SNCAIP: variants seen among roughly 807,000 people sequenced by gnomAD.
SNCAIP encodes the protein synuclein alpha interacting protein.
In SNCAIP, 43 loss-of-function variants were observed where a neutral mutation model predicts 86.7. The observed-to-expected ratio is 0.50, with a 90% CI of 0.39 to 0.64. The LOEUF (loss-of-function observed/expected upper bound fraction) is 0.64, where lower values mean the gene tolerates loss of function less well. Ranked by LOEUF, SNCAIP falls within the 30% of genes least tolerant of loss-of-function variation. The probability of loss-of-function intolerance (pLI) is 0.00; values close to 1 mark genes in which losing one functional copy is unlikely to be tolerated. For missense variants in SNCAIP, 981 were observed against 1,103.1 expected (o/e 0.89, Z 1.57); for synonymous variants, 417 against 427.2 (o/e 0.98, Z 0.29).
chr5:122,400,915 A>G, intron 2 of SNCAIP: 1 of 1,410,620 alleles, frequency 7.1e-7, no homozygotes. Context: ...GAAAAAGAAT[A>G]AATTATAGAG....
chr5:122,437,102 G>A (rs1446301227), intron 6 of SNCAIP: 1 of 152,172 alleles, frequency 6.6e-6, no homozygotes, highest in African/African-American at 2.4e-5. Context: ...AAGGTCTGAA[G>A]TTACATCCAT....
chr5:122,358,563 C>T (rs1357890325), intron 1 of SNCAIP, among the ~76,000 whole-genome samples: 3 of 151,912 alleles, frequency 2.0e-5, no homozygotes, highest in Non-Finnish European at 2.9e-5. Flanking sequence ...CATGATAAGC[C>T]CTTTTCCTTC....
chr5:122,429,690 G>A (rs1453592788), intron 5 of SNCAIP, among the ~76,000 whole-genome samples: 3 of 152,090 alleles, frequency 2.0e-5, no homozygotes, highest in East Asian at 1.9e-4. Context: ...CTCCAATTGC[G>A]AAATTTAAGG....
At position 122,451,138 on chromosome 5, in the gene SNCAIP, C is replaced by T. The variant is rs201185316; in HGVS notation, c.2291C>T (p.Pro764Leu). 474 of 1,614,150 alleles carry T rather than the reference C, an allele frequency of 2.9e-4. 1 individual carries two copies. Among genetic ancestry groups the T allele is most frequent in the Admixed American group, 8.2e-4 (49 of 60,018 alleles). ...GAACCAGACTTAGAATCCCAGTATCCAGGCTCAGGGAGTATTCCTCCAAAC... is the reference window on the plus strand; with the variant it reads ...GAACCAGACTTAGAATCCCAGTATCTAGGCTCAGGGAGTATTCCTCCAAAC... ...SSEPDLESQY[P>L]GSGSIPPNQP... The change falls in exon 10 of 11, where the codon CCA (proline) becomes CTA (leucine). Residue 764 changes from proline to leucine, a missense_variant. Transcript: ENST00000261368.
At chr5:122,328,573 G>C (rs1754604747) in intron 1 of SNCAIP, among the ~76,000 whole-genome samples, 1 of 151,990 alleles carries the variant, frequency 6.6e-6, no homozygotes, top group Non-Finnish European at 1.5e-5. Context: ...CCCATTTCTT[G>C]TAGTATCTTT....
chr5:122,317,927 T>C (rs1278719172), intron 1 of SNCAIP, among the ~76,000 whole-genome samples: 2 of 152,050 alleles, frequency 1.3e-5, no homozygotes, highest in Admixed American at 6.5e-5. Context: ...CCTCTACAAA[T>C]GCTGCCTTCA....
chr5:122,391,228 A>G, intron 2 of SNCAIP, 37 bp downstream of exon 2: 1 of 1,433,694 alleles, frequency 7.0e-7, no homozygotes, highest in Non-Finnish European at 9.8e-7. Context: ...CTTTCAAGAT[A>G]ATCTGCCTTC....
At chr5:122,399,204 G>T (rs941411190) in intron 2 of SNCAIP, among the ~76,000 whole-genome samples, 1 of 152,112 alleles carries the variant, frequency 6.6e-6, no homozygotes, top group South Asian at 2.1e-4. Flanking sequence ...GAAGCTCTGA[G>T]GGCACACTTA....
At chr5:122,403,124 G>A (rs1007075864) in intron 2 of SNCAIP, among the ~76,000 whole-genome samples, 3 of 152,106 alleles carry the variant, frequency 2.0e-5, no homozygotes, top group Non-Finnish European at 2.9e-5. Context: ...CTGAAAGCCA[G>A]CCTCTGAGTC....
rs923153859 is a variant in SNCAIP at position 122,390,407 on chromosome 5, G to A, written c.-46-682G>A. ...TTAAAGGGTTGCCCCAGGCGGCCCT[G>A]AGGCAAGAGCTGACTGAAGACGTTC... On this transcript the variant is annotated intron_variant, in intron 1 of 10. Coordinates refer to ENST00000261368, the MANE Select transcript of SNCAIP (RefSeq NM_005460.4). 5.3e-5 allele frequency among the ~76,000 whole-genome samples: 8 copies of A among 152,298 alleles called. No homozygotes were observed. The East Asian group carries it at 1.5e-3, about 29-fold the overall frequency.
At chr5:122,311,925 G>A (rs1174374915), upstream of SNCAIP, 1 of 149,850 alleles carries the variant, frequency 6.7e-6, no homozygotes, top group East Asian at 2.0e-4. Flanking sequence ...GGGGCTCGCT[G>A]GCCTGGGGGC....
rs888892076 is a variant in SNCAIP at position 122,434,238 on chromosome 5, A to G, written c.1296+2156A>G. ...TAAAGCCTAAAAAGGAATTTTAAGT[A>G]TCAGTGGAAAGGCTGCCTGCACTTT... On this transcript the variant is annotated intron_variant, in intron 6 of 10. Transcript: ENST00000261368. Among the ~76,000 whole-genome samples, 13 of 152,228 alleles carry G rather than the reference A, an allele frequency of 8.5e-5. No homozygotes were observed. In the South Asian group the frequency reaches 1.2e-3, roughly 15 times the overall value.
At chr5:122,416,011 G>A (rs1775238428) in intron 3 of SNCAIP, among the ~76,000 whole-genome samples, 1 of 152,180 alleles carries the variant, frequency 6.6e-6, no homozygotes, top group African/African-American at 2.4e-5. Context: ...CTGTTCTATG[G>A]AAACTGTACT....
chr5:122,369,602 C>T (rs913773741), intron 1 of SNCAIP, among the ~76,000 whole-genome samples: 2 of 152,174 alleles, frequency 1.3e-5, no homozygotes, highest in Admixed American at 1.3e-4. Context: ...TGTAGAGAAC[C>T]TTTGAACTCA....
intron 10 of SNCAIP, chr5:122,451,813 G>T: frequency 1.9e-6 from 1 of 537,848 alleles, no homozygotes; most frequent in South Asian, 2.6e-5. Flanking sequence ...TACTCTAAGA[G>T]AGAAAGGTTA....
intron 7 of SNCAIP, chr5:122,441,174 G>A (rs889614510): frequency 5.0e-5 from 10 of 198,414 alleles, no homozygotes; most frequent in African/African-American, 2.3e-4. Flanking sequence ...GATTTTTCAG[G>A]AATGGATTAG....
rs568255502 is a variant in SNCAIP, at chr5:122,403,998, C to A, written c.130+133C>A. 32 of 708,876 alleles carry A rather than the reference C, an allele frequency of 4.5e-5. No individual in the cohort carries two copies. In the African/African-American group the frequency reaches 4.6e-4, roughly 10 times the overall value. The allele number at this position is 708,876 out of a possible 1,614,324, so 43.9% of individuals were successfully genotyped here. A position where few individuals can be genotyped will look rare whatever the true frequency, so the allele number is the denominator to read the frequency against. Reference sequence around the variant, plus strand: ...CTTTACGGCTTCTCCACTCACACCACCCCCCACCTCATGCCCTGCCTTCAA... The same window carrying A: ...CTTTACGGCTTCTCCACTCACACCAACCCCCACCTCATGCCCTGCCTTCAA... On this transcript the variant is annotated intron_variant, in intron 3 of 10. Transcript: ENST00000261368.
chr5:122,443,676 CAAG>C (rs1781615018), intron 7 of SNCAIP: 1 of 456,480 alleles, frequency 2.2e-6, no homozygotes. Context: ...GTGTCAAGGA[CAAG>C]AAGGAGGTAT....
intron 3 of SNCAIP, among the ~76,000 whole-genome samples, chr5:122,409,407 T>G (rs1773670491): frequency 6.6e-6 from 1 of 152,222 alleles, no homozygotes; most frequent in Non-Finnish European, 1.5e-5. Flanking sequence ...ATAATTTTCT[T>G]ATGAAAGAAG....
Sources: gnomAD v4.1 joint callset for allele counts (sites outside exome capture counted in the v4.1 genomes callset) on GRCh38, gnomAD v4.1.1 for gene constraint, MANE v1.5 for transcripts, NCBI Gene and HGNC (gene_info 2026-07-23, HGNC 2026-07-21) for gene names.